TTLL3: variants seen among roughly 807,000 people sequenced by gnomAD.
TTLL3 encodes tubulin monoglycylase TTLL3.
In TTLL3, 63 loss-of-function variants were observed where a neutral mutation model predicts 75.2. The observed-to-expected ratio is 0.84, with a 90% confidence interval of 0.68 to 1.03. The LOEUF is 1.03. Ranked by LOEUF, TTLL3 falls within the 50% of genes least tolerant of loss-of-function variation. The pLI, the probability that TTLL3 is intolerant of heterozygous loss-of-function variation, is 0.00. For synonymous variants in TTLL3, 393 were observed against 418.5 expected (o/e 0.94, Z 0.74); for missense variants, 997 against 1,069.9 (o/e 0.93, Z 0.95).
chr3:9,829,245 T>C lies in TTLL3; in HGVS notation c.1533T>C (p.Ile511=). 6.2e-7 allele frequency: 1 copy of C among 1,614,158 alleles called. No homozygotes were observed. Among genetic ancestry groups the C allele is most frequent in the Non-Finnish European group, 8.5e-7 (1 of 1,180,016 alleles). The change falls in exon 11 of 14, where the codon ATT becomes ATC. Residue 511 remains isoleucine (I), a synonymous_variant. Coordinates refer to ENST00000685419, the MANE Select transcript of TTLL3 (RefSeq NM_001387446.1). ...GGGAGGACTTCCAGCCCTGGCTGAT[T>C]GAGATCAACGCCAGCCCCACGATGG... ...VFGEDFQPWL[I]EINASPTMAP... is the part of the protein sequence containing the mutation.
intron 8 of TTLL3, 50 bp from the exon 9 acceptor site, chr3:9,825,750 C>T (rs371524084): frequency 1.2e-6 from 2 of 1,613,854 alleles, no homozygotes; most frequent in African/African-American, 1.3e-5. Context: ...GCCCTCTCCA[C>T]CTGCATGTCC....
rs1481159757 is a variant in TTLL3 at position 9,810,365 on chromosome 3, C to T, written c.-71C>T. 2.3e-6 allele frequency: 3 copies of T among 1,319,094 alleles called. No individual in the cohort carries two copies. Among genetic ancestry groups the T allele is most frequent in the Non-Finnish European group, 2.9e-6 (3 of 1,052,112 alleles). 81.7% of individuals were successfully genotyped at this position (1,319,094 alleles called of 1,614,324 possible). A position where few individuals can be genotyped will look rare whatever the true frequency, so the allele number is the denominator to read the frequency against. On this transcript the variant is annotated 5_prime_UTR_variant, in exon 1 of 14. Coordinates refer to ENST00000685419, the MANE Select transcript of TTLL3 (RefSeq NM_001387446.1). The surrounding 1 kb of genome is among the most constrained non-coding windows in gnomAD (Gnocchi z 4.4). Reference sequence around the variant, plus strand: ...ACCCACCCCCTCGGCCCCCCGCACACCCCGGTCCTCGACCCCTCTCCGCAG... The same window carrying T: ...ACCCACCCCCTCGGCCCCCCGCACATCCCGGTCCTCGACCCCTCTCCGCAG...
rs2081957490 is a variant in TTLL3 at position 9,835,080 on chromosome 3, C to T, written c.2053-14C>T. The T allele has an allele frequency of 6.3e-7, 1 of 1,598,570 alleles. No individual in the cohort carries two copies. Among genetic ancestry groups the T allele is most frequent in the African/African-American group, 1.3e-5 (1 of 74,532 alleles). ...TCTGATCATCTCCCTCTTCTCCCCT[C>T]CTTTCACACCGAGGCTCCTGCTCTC... On this transcript the variant is annotated splice_polypyrimidine_tract_variant and intron_variant, in intron 13 of 13. Coordinates refer to ENST00000685419, the MANE Select transcript of TTLL3 (RefSeq NM_001387446.1).
At chr3:9,826,099 A>T in intron 9 of TTLL3, 151 bp downstream of exon 9, 1 of 1,295,336 alleles carries the variant, frequency 7.7e-7, no homozygotes, top group Non-Finnish European at 1.0e-6. Flanking sequence ...GACCTTGAGC[A>T]GGTTTTAGCG....
intron 9 of TTLL3, 72 bp downstream of exon 9, chr3:9,826,020 A>G: frequency 6.4e-7 from 1 of 1,567,722 alleles, no homozygotes; most frequent in Non-Finnish European, 8.7e-7. Context: ...CAAGGAAGTT[A>G]ATAGTGCAGG....
Position 9,813,037 on chromosome 3 carries a change from C to G in TTLL3, c.143C>G (p.Ser48Ter). 1 of 1,588,516 alleles carries G rather than the reference C, an allele frequency of 6.3e-7. No homozygotes were observed. Among genetic ancestry groups the G allele is most frequent in the East Asian group, 2.2e-5 (1 of 44,542 alleles). ...GWVEKKMVHR[S>*]GPTLLPPQKD... ...GTGGAGAAGAAGATGGTCCATCGCT[C>G]AGGCCCCACCCTGCTGCCACCCCAG... is the stretch of plus-strand genomic sequence containing the variant. Residue 48 changes from serine to a stop codon, truncating the protein, a stop_gained, in exon 3 of 14, where the codon TCA (serine) becomes TGA (stop). Transcript: ENST00000685419. LOFTEE classifies it high-confidence loss of function.
At chr3:9,811,058 G>T (rs963051582) in intron 2 of TTLL3, among the ~76,000 whole-genome samples, 1 of 152,086 alleles carries the variant, frequency 6.6e-6, no homozygotes, top group African/African-American at 2.4e-5. Flanking sequence ...CTGACTGCAC[G>T]CTCCTAGTTT....
chr3:9,826,056 T>C, intron 9 of TTLL3, 108 bp downstream of exon 9: 2 of 1,485,754 alleles, frequency 1.3e-6, no homozygotes, highest in South Asian at 1.4e-5. Flanking sequence ...TTGCCTGGGT[T>C]TGAGTCCTAG....
intron 10 of TTLL3, chr3:9,828,515 T>C (rs2081257212): frequency 6.0e-6 from 1 of 167,770 alleles, no homozygotes; most frequent in African/African-American, 2.4e-5. Context: ...AAGAAAAATA[T>C]AAAAAACAGT....
At chr3:9,809,939 A>G, upstream of TTLL3, 5 of 153,910 alleles carry the variant, frequency 3.2e-5, no homozygotes, top group Non-Finnish European at 5.0e-5. Flanking sequence ...ACTTCCCGGG[A>G]GAGGAGGCGG....
chr3:9,834,982 G>C, intron 13 of TTLL3, 75 bp downstream of exon 13: 1 of 1,608,888 alleles, frequency 6.2e-7, no homozygotes, highest in Non-Finnish European at 8.5e-7. Flanking sequence ...CACAGGCAGA[G>C]GGCAGCTCCC....
intron 7 of TTLL3, chr3:9,819,567 G>T (rs2080223100): frequency 1.0e-6 from 1 of 986,302 alleles, no homozygotes. Context: ...AACAGCTTAG[G>T]CCTGAACATA....
At chr3:9,810,203 C>T (rs1489025714), upstream of TTLL3, 5 of 1,483,860 alleles carry the variant, frequency 3.4e-6, no homozygotes, top group Non-Finnish European at 4.4e-6. The surrounding 1 kb of genome is among the most constrained non-coding windows in gnomAD (Gnocchi z 4.4). Flanking sequence ...CTGCCATGGG[C>T]CGGCCCTGCC....
At chr3:9,819,580 G>A (rs2080223678) in intron 7 of TTLL3, 1 of 985,792 alleles carries the variant, frequency 1.0e-6, no homozygotes, top group Non-Finnish European at 1.2e-6. Context: ...TGAACATAAG[G>A]AACAGCTTGG....
In TTLL3 at chr3:9,820,692, A is replaced by G. The variant is rs759984254; in HGVS notation, c.805A>G (p.Thr269Ala). ...GGACCTGGAGGCCCCGCTGTACCTC[A>G]CCCCCGAGGGCTGGTCCCTCTTCCT... ...DKDLEAPLYL[T>A]PEGWSLFLQR... Residue 269 changes from threonine to alanine, a missense_variant, in exon 8 of 14, where the codon ACC becomes GCC. Coordinates refer to ENST00000685419, the MANE Select transcript of TTLL3 (RefSeq NM_001387446.1). 1 of 1,613,902 alleles carries G rather than the reference A, an allele frequency of 6.2e-7. No individual in the cohort carries two copies. Among genetic ancestry groups the G allele is most frequent in the South Asian group, 1.1e-5 (1 of 91,054 alleles).
intron 5 of TTLL3, among the ~76,000 whole-genome samples, chr3:9,816,478 C>G (rs951203597): frequency 6.6e-6 from 1 of 150,702 alleles, no homozygotes; most frequent in East Asian, 2.0e-4. Context: ...ACCTCCTAAG[C>G]AGAAGATATC....
Position 9,810,317 on chromosome 3 carries a change from C to T in TTLL3, c.-119C>T, listed in dbSNP as rs1199080316. ...GCCTTCAAGACGCTGGTCCCAGGCA[C>T]CCACGCCCAGGGCGCCTCGGATACC... On this transcript the variant is annotated 5_prime_UTR_variant, in exon 1 of 14. Transcript: ENST00000685419. The surrounding 1 kb of genome is among the most constrained non-coding windows in gnomAD (Gnocchi z 4.4). 8.1e-6 allele frequency: 12 copies of T among 1,478,228 alleles called. No individual in the cohort carries two copies. The highest frequency in any genetic ancestry group is 9.8e-6 in the Non-Finnish European group (11 of 1,126,250). 91.6% of individuals were successfully genotyped at this position (1,478,228 alleles called of 1,614,324 possible). A position where few individuals can be genotyped will look rare whatever the true frequency, so the allele number is the denominator to read the frequency against.
chr3:9,817,031 C>CCTGGCCT (rs1163728700), intron 5 of TTLL3, among the ~76,000 whole-genome samples: 2 of 152,158 alleles, frequency 1.3e-5, no homozygotes, highest in African/African-American at 4.8e-5. Flanking sequence ...GTCTTGAACT[C>CCTGGCCT]CTGGCCTCTG....
intron 12 of TTLL3, 174 bp downstream of exon 12, chr3:9,833,419 T>C (rs368557639): frequency 3.6e-5 from 38 of 1,055,858 alleles, no homozygotes; most frequent in African/African-American, 1.9e-4. Context: ...TCTCTGGGAG[T>C]GGGATGCCCC....
Sources: gnomAD v4.1 joint callset for allele counts (sites outside exome capture counted in the v4.1 genomes callset) on GRCh38, gnomAD v4.1.1 for gene constraint, Gnocchi (gnomAD v3.1) non-coding constraint, MANE v1.5 for transcripts, NCBI Gene and HGNC (gene_info 2026-07-23, HGNC 2026-07-21) for gene names.